Variants in NBPF11 observed in about 807,000 individuals in gnomAD.
The protein encoded by NBPF11 is NBPF member 11, also known as NBPF family member NBPF11.
A neutral mutation model predicts 93.9 loss-of-function variants in NBPF11; 72 were observed. The observed-to-expected ratio is 0.77, with a 90% CI of 0.63 to 0.93. The LOEUF (loss-of-function observed/expected upper bound fraction) is 0.93. NBPF11 is among the 40% of genes least tolerant of loss of function. NBPF11 has a pLI of 0.00. For missense variants in NBPF11, 705 were observed against 802.2 expected, an observed-to-expected ratio of 0.88 and a Z score of 1.46; for synonymous variants, 224 against 304.9, an observed-to-expected ratio of 0.73 and a Z score of 2.76.
Position 148,122,250 on chromosome 1 carries a change from C to T in NBPF11, c.583G>A (p.Glu195Lys). The part of the protein sequence containing the change: ...SSAPREVQKA[E>K]ESKVPEDSLE... ...GAGTCCTCAGGGACTTTGCTCTCTT[C>T]AGCCTTCTGCACCTCCCTGATGAGC... is the stretch of plus-strand genomic sequence containing the variant. Residue 195 changes from glutamate (E) to lysine (K), a missense_variant, in exon 9 of 24, where the codon GAA becomes AAA. Coordinates refer to ENST00000682118, the MANE Select transcript of NBPF11 (RefSeq NM_001385469.3). The T allele has an allele frequency of 6.2e-7, 1 of 1,611,346 alleles. No homozygotes were observed. Among genetic ancestry groups the T allele is most frequent in the Non-Finnish European group, 8.5e-7 (1 of 1,179,318 alleles).
intron 20 of NBPF11, 40 bp from the exon 21 acceptor site, chr1:148,106,272 T>C: frequency 1.6e-6 from 1 of 623,164 alleles, no homozygotes; most frequent in Non-Finnish European, 2.8e-6. Flanking sequence ...AATAAGCCAA[T>C]TCACCTACAC....
At chr1:148,127,958 T>C (rs1669512098) in intron 4 of NBPF11, among the ~76,000 whole-genome samples, 1 of 151,714 alleles carries the variant, frequency 6.6e-6, no homozygotes, top group Non-Finnish European at 1.5e-5. Flanking sequence ...CACGGCCGAC[T>C]TCTCTTTACT....
chr1:148,141,563 G>T (rs1457033153), intron 2 of NBPF11, among the ~76,000 whole-genome samples: 2 of 152,118 alleles, frequency 1.3e-5, no homozygotes, highest in Non-Finnish European at 2.9e-5. Flanking sequence ...GCATTGAAGT[G>T]CACCAACCTG....
chr1:148,141,664 G>A lies in NBPF11; in HGVS notation c.-277+1751C>T, dbSNP rs1240433035. On this transcript the variant is annotated intron_variant, in intron 2 of 23. Transcript: ENST00000682118. ...ACACAGCTAGCAGATCAGTTAGGCA[G>A]AAGCAGCCTCAGTCATCTAGACAGT... 9.0e-3 allele frequency among the ~76,000 whole-genome samples: 1,370 copies of A among 151,918 alleles called. 50 individuals carry two copies. The highest frequency in any genetic ancestry group is 0.032 in the African/African-American group (1,311 of 41,238).
chr1:148,118,271 G>C (rs1459460787), intron 11 of NBPF11, among the ~76,000 whole-genome samples: 1 of 151,848 alleles, frequency 6.6e-6, no homozygotes, highest in African/African-American at 2.4e-5. Flanking sequence ...CAGTCAGTCA[G>C]GAGGTGATTC....
intron 2 of NBPF11, among the ~76,000 whole-genome samples, 191 bp downstream of exon 2, chr1:148,143,224 C>T (rs1358187716): frequency 7.9e-5 from 12 of 152,004 alleles, no homozygotes; most frequent in African/African-American, 2.9e-4. Context: ...GACCATGGCA[C>T]TGCAAGTCCA....
In NBPF11 at chr1:148,108,477, C is replaced by T. The variant is rs1416439991; in HGVS notation, c.2026+5G>A. Reference sequence around the variant, plus strand: ...TCCTTATCACCTTCATAGAAAGGTACTCACCATCCATGTCAACAGCCAAGC... The same window carrying T: ...TCCTTATCACCTTCATAGAAAGGTATTCACCATCCATGTCAACAGCCAAGC... On this transcript the variant is annotated splice_donor_5th_base_variant and intron_variant, in intron 18 of 23. Transcript: ENST00000682118. The T allele has an allele frequency of 7.2e-6, 11 of 1,528,912 alleles. No homozygotes were observed. Among genetic ancestry groups the T allele is most frequent in the South Asian group, 1.1e-5 (1 of 89,490 alleles). The allele number at this position is 1,528,912 out of a possible 1,614,324, so 94.7% of individuals were successfully genotyped here. A position where few individuals can be genotyped will look rare whatever the true frequency, so the allele number is the denominator to read the frequency against.
chr1:148,148,843 A>T (rs1647430109), intron 1 of NBPF11, among the ~76,000 whole-genome samples: 1 of 151,698 alleles, frequency 6.6e-6, no homozygotes, highest in Non-Finnish European at 1.5e-5. Flanking sequence ...GGTGACCAGG[A>T]GGAGGAGAGG....
chr1:148,135,213 G>C (rs1377495875), intron 4 of NBPF11: 1 of 146,926 alleles, frequency 6.8e-6, no homozygotes, highest in Admixed American at 6.4e-5. Flanking sequence ...AAGGCATCCT[G>C]TTGAAAAACC....
chr1:148,122,596 C>G, intron 8 of NBPF11, 133 bp downstream of exon 8: 1 of 1,329,928 alleles, frequency 7.5e-7, no homozygotes, highest in Non-Finnish European at 1.1e-6. Flanking sequence ...TGTGTCTAAG[C>G]TGGGTTGAAT....
At chr1:148,141,551 T>C (rs1672170592) in intron 2 of NBPF11, among the ~76,000 whole-genome samples, 1 of 152,026 alleles carries the variant, frequency 6.6e-6, no homozygotes, top group South Asian at 2.1e-4. Flanking sequence ...GGTTAGTACT[T>C]GGCATTGAAG....
At chr1:148,106,497 GT>G (rs1663653080) in intron 20 of NBPF11, among the ~76,000 whole-genome samples, 1 of 139,422 alleles carries the variant, frequency 7.2e-6, no homozygotes, top group African/African-American at 2.9e-5. Flanking sequence ...ATGCCTTATT[GT>G]TCCCATCAGT....
At chr1:148,109,003 C>G (rs1158197189) in intron 17 of NBPF11, among the ~76,000 whole-genome samples, 1 of 151,230 alleles carries the variant, frequency 6.6e-6, no homozygotes, top group African/African-American at 2.4e-5. Flanking sequence ...AGCATGGCCT[C>G]AATAATTTTG....
chr1:148,116,905 C>T (rs1336329783), intron 12 of NBPF11, among the ~76,000 whole-genome samples: 4 of 152,186 alleles, frequency 2.6e-5, no homozygotes, highest in African/African-American at 9.7e-5. Context: ...AATTCTTTCT[C>T]TTAGAAGCAA....
chr1:148,121,122 G>A (rs1286717277), intron 9 of NBPF11, among the ~76,000 whole-genome samples: 3 of 151,638 alleles, frequency 2.0e-5, no homozygotes, highest in African/African-American at 7.3e-5. Flanking sequence ...TCAGCTCACT[G>A]CCACCTCTGC....
At chr1:148,120,995 T>A (rs1433754695) in intron 9 of NBPF11, among the ~76,000 whole-genome samples, 1 of 152,070 alleles carries the variant, frequency 6.6e-6, no homozygotes, top group East Asian at 1.9e-4. Flanking sequence ...CCAATGTTTC[T>A]GTGTAGCACA....
In NBPF11 at chr1:148,115,162, C is replaced by CGCAAA. The variant is rs1666177688; in HGVS notation, c.1585+630_1585+631insTTTGC. 2.2e-3 allele frequency among the ~76,000 whole-genome samples: 34 copies of CGCAAA among 15,174 alleles called. 5 individuals carry two copies. The highest frequency in any genetic ancestry group is 0.013 in the South Asian group (3 of 228). 10.0% of individuals were successfully genotyped at this position (15,174 alleles called of 152,430 possible). On this transcript the variant is annotated intron_variant, in intron 14 of 23. Coordinates refer to ENST00000682118, the MANE Select transcript of NBPF11 (RefSeq NM_001385469.3). ...CCTAGGTGACAGAGCAGGACTCCAT[C>CGCAAA]ACAAAAAAAAAAAAAAAAAAAAAAA...
At chr1:148,120,829 C>G in intron 9 of NBPF11, 119 bp from the exon 10 acceptor site, 1 of 826,542 alleles carries the variant, frequency 1.2e-6, no homozygotes, top group South Asian at 1.3e-5. Context: ...TGTTGTTTCC[C>G]TGGTTTCACT....
rs587601438 is a variant in NBPF11 at position 148,124,889 on chromosome 1, G to A, written c.278+10C>T. ...CTACCTGCCTGTCTCCCCCTACGGG[G>A]TCCCCTCACCTGAGCTCCTCAGCTT... is the stretch of plus-strand genomic sequence containing the variant. On this transcript the variant is annotated intron_variant, in intron 6 of 23. Transcript: ENST00000682118. 28 of 1,608,230 alleles carry A rather than the reference G, an allele frequency of 1.7e-5. No homozygotes were observed. The highest frequency in any genetic ancestry group is 2.3e-5 in the Non-Finnish European group (27 of 1,179,914).
Sources: allele counts gnomAD v4.1 joint callset (sites outside exome capture counted in the v4.1 genomes callset), GRCh38; gene constraint gnomAD v4.1.1; transcripts MANE v1.5; gene names NCBI Gene and HGNC (gene_info 2026-07-23, HGNC 2026-07-21).